The following LINGO2 variants were observed in gnomAD, a reference collection of about 807,000 sequenced individuals.
LINGO2 encodes the protein leucine rich repeat and Ig domain containing 2, also known as leucine-rich repeat and immunoglobulin-like domain-containing nogo receptor-interacting protein 2.
Under a neutral mutation model 30.6 loss-of-function variants are expected in LINGO2, and 14 were observed. That is an observed-to-expected ratio of 0.46 (90% CI 0.30 to 0.72). The LOEUF is 0.72. Among genes scored for constraint, LINGO2 ranks in the 30% least tolerant of loss-of-function variants. The pLI is 0.07. For missense variants in LINGO2, 729 were observed against 751.7 expected (o/e 0.97, Z 0.35); for synonymous variants, 317 against 288.5 (o/e 1.10, Z -1.00).
At chr9:29,209,853 AT>A in the LINGO2 span, among the ~76,000 whole-genome samples, 4 of 151,922 alleles carry the variant, frequency 2.6e-5, no homozygotes, top group East Asian at 7.7e-4. Context: ...GAGAAAATGG[AT>A]TTTTTTTCAA....
Position 28,186,649 on chromosome 9 carries a change from T to G in LINGO2, c.-87+108559A>C, listed in dbSNP as rs557103618. Among the ~76,000 whole-genome samples the G allele has an allele frequency of 9.9e-5, 15 of 152,064 alleles. No homozygotes were observed. The South Asian group carries it at 3.1e-3, about 32-fold the overall frequency. On this transcript the variant is annotated intron_variant, in intron 4 of 5. Coordinates refer to ENST00000379992, the Ensembl canonical transcript of LINGO2. ...GTAGTCCAGGAAGATTTAGATAAGT[T>G]AAGAATCAAAAAATGTGAAGACTTC...
At chr9:28,587,128 G>A (rs969345222) in intron 1 of LINGO2, among the ~76,000 whole-genome samples, 1 of 152,082 alleles carries the variant, frequency 6.6e-6, no homozygotes, top group Non-Finnish European at 1.5e-5. Context: ...AAGTTTGAAG[G>A]TGGCTGGGCC....
At chr9:28,985,915 T>C in the LINGO2 span, among the ~76,000 whole-genome samples, 1 of 151,896 alleles carries the variant, frequency 6.6e-6, no homozygotes, top group Admixed American at 6.6e-5. Context: ...CTTTGGGGGG[T>C]CAAATAAAAA....
chr9:28,373,069 C>A (rs1820967243), intron 2 of LINGO2, among the ~76,000 whole-genome samples: 1 of 151,576 alleles, frequency 6.6e-6, no homozygotes, highest in Non-Finnish European at 1.5e-5. Flanking sequence ...TATATTTTTA[C>A]TTTTTAAATT....
intron 1 of LINGO2, among the ~76,000 whole-genome samples, chr9:28,639,175 G>T (rs1317689205): frequency 2.0e-5 from 3 of 152,122 alleles, no homozygotes; most frequent in African/African-American, 7.2e-5. Flanking sequence ...TTGCACTGTG[G>T]TCTGAGAGAC....
intron 5 of LINGO2, among the ~76,000 whole-genome samples, chr9:27,985,956 T>G (rs1587617899): frequency 1.3e-5 from 2 of 151,784 alleles, no homozygotes; most frequent in Non-Finnish European, 2.9e-5. Flanking sequence ...CCCAAGACAC[T>G]TCTCACTGGA....
chr9:29,034,896 TC>T, the LINGO2 span, among the ~76,000 whole-genome samples: 1 of 152,124 alleles, frequency 6.6e-6, no homozygotes, highest in South Asian at 2.1e-4. Context: ...CCAAAAACAT[TC>T]ATGTGAACTT....
the LINGO2 span, among the ~76,000 whole-genome samples, chr9:29,181,589 G>A: frequency 6.6e-6 from 1 of 152,236 alleles, no homozygotes; most frequent in African/African-American, 2.4e-5. Flanking sequence ...TTTGAGTTTA[G>A]TGAGAATCCA....
At chr9:28,495,364 T>C (rs888189836) in intron 1 of LINGO2, among the ~76,000 whole-genome samples, 5 of 152,236 alleles carry the variant, frequency 3.3e-5, no homozygotes, top group African/African-American at 1.2e-4. Context: ...AACATTTAAG[T>C]CTTTAATCCA....
chr9:28,835,998 C>A, the LINGO2 span, among the ~76,000 whole-genome samples: 1 of 152,246 alleles, frequency 6.6e-6, no homozygotes, highest in South Asian at 2.1e-4. Context: ...ATATCACATA[C>A]TCCAAAAATA....
At chr9:28,268,594 T>A (rs1040469071) in intron 4 of LINGO2, among the ~76,000 whole-genome samples, 9 of 152,134 alleles carry the variant, frequency 5.9e-5, no homozygotes, top group Non-Finnish European at 1.3e-4. Flanking sequence ...AGTGATAATT[T>A]TTCCTGTATG....
At chr9:29,188,676 G>C in the LINGO2 span, among the ~76,000 whole-genome samples, 1 of 142,538 alleles carries the variant, frequency 7.0e-6, no homozygotes, top group Admixed American at 7.3e-5. Flanking sequence ...CTCACCTCCC[G>C]GATGGGGCGG....
chr9:28,434,624 C>A (rs1823845119), intron 2 of LINGO2, among the ~76,000 whole-genome samples: 1 of 151,566 alleles, frequency 6.6e-6, no homozygotes, highest in Non-Finnish European at 1.5e-5. Context: ...AGTCTTCTGT[C>A]TCAGTATTCG....
the LINGO2 span, among the ~76,000 whole-genome samples, chr9:29,097,775 T>C: frequency 1.4e-5 from 2 of 138,934 alleles, no homozygotes; most frequent in Non-Finnish European, 3.1e-5. Flanking sequence ...CTAGAGATTA[T>C]AATTCAGCAG....
chr9:28,376,680 A>C (rs1821145222), intron 2 of LINGO2, among the ~76,000 whole-genome samples: 1 of 152,154 alleles, frequency 6.6e-6, no homozygotes. Flanking sequence ...GACACCTATA[A>C]ATACATTGAT....
At chr9:28,352,129 T>C (rs1042242314) in intron 3 of LINGO2, among the ~76,000 whole-genome samples, 5 of 150,464 alleles carry the variant, frequency 3.3e-5, no homozygotes, top group South Asian at 4.2e-4. Context: ...CTATTCAACA[T>C]AGTGTTGGAA....
intron 4 of LINGO2, among the ~76,000 whole-genome samples, chr9:28,020,414 A>T (rs1563918210): frequency 1.3e-5 from 2 of 152,182 alleles, no homozygotes; most frequent in African/African-American, 4.8e-5. Flanking sequence ...CTGTCATCCC[A>T]GCTACTCAGG....
At chr9:29,129,479 C>T in the LINGO2 span, among the ~76,000 whole-genome samples, 63,952 of 151,670 alleles carry the variant, frequency 0.42, 13,579 homozygotes, top group East Asian at 0.54. Context: ...AATATGTTTC[C>T]AAAAATTGTG....
At chr9:28,262,395 C>G in intron 4 of LINGO2, among the ~76,000 whole-genome samples, 1 of 151,648 alleles carries the variant, frequency 6.6e-6, no homozygotes, top group Non-Finnish European at 1.5e-5. Flanking sequence ...AATGGACATC[C>G]AAATTGAATT....
Sources: gnomAD v4.1 joint callset for allele counts (sites outside exome capture counted in the v4.1 genomes callset) on GRCh38, gnomAD v4.1.1 for gene constraint, MANE v1.5 for transcripts, NCBI Gene and HGNC (gene_info 2026-07-23, HGNC 2026-07-21) for gene names.